The following PDE4D variants were observed in gnomAD, a reference collection of about 807,000 sequenced individuals.
PDE4D encodes the protein phosphodiesterase 4D.
A neutral mutation model predicts 87.4 loss-of-function variants in PDE4D; 24 were observed. The ratio of observed to expected loss-of-function variants is 0.27; its 90% CI spans 0.20 to 0.39. PDE4D has a LOEUF of 0.39. Ranked by LOEUF, PDE4D falls within the 10% of genes least tolerant of loss-of-function variation. The pLI is 1.00. For missense variants in PDE4D, 714 were observed against 1,041.0 expected, an observed-to-expected ratio of 0.69 and a Z score of 4.32; for synonymous variants, 384 against 383.2, an observed-to-expected ratio of 1.00 and a Z score of -0.02.
chr5:59,173,005 A>C (rs1227756729), intron 5 of PDE4D: 1 of 152,106 alleles, frequency 6.6e-6, no homozygotes, highest in Non-Finnish European at 1.5e-5. Context: ...GATAAAGAAT[A>C]CCCCCAAAAC....
chr5:59,780,153 C>T (rs1332463657), intron 1 of PDE4D, among the ~76,000 whole-genome samples: 1 of 152,188 alleles, frequency 6.6e-6, no homozygotes. Context: ...TACCTGAGGT[C>T]AGGAGTTCAA....
intron 1 of PDE4D, among the ~76,000 whole-genome samples, chr5:60,298,767 C>T: frequency 6.6e-6 from 1 of 152,194 alleles, no homozygotes; most frequent in Admixed American, 6.5e-5. Flanking sequence ...TCTGACCCTT[C>T]ATTTTCTATA....
At chr5:60,213,099 TC>T in intron 1 of PDE4D, among the ~76,000 whole-genome samples, 1 of 152,180 alleles carries the variant, frequency 6.6e-6, no homozygotes, top group Non-Finnish European at 1.5e-5. Flanking sequence ...AACATTAATT[TC>T]TCCCTTCTTC....
chr5:60,474,287 T>G (rs997369085), intron 1 of PDE4D, among the ~76,000 whole-genome samples: 1 of 151,606 alleles, frequency 6.6e-6, no homozygotes, highest in African/African-American at 2.4e-5. Context: ...CAGCACCTTC[T>G]ATGTGTCCTC....
chr5:59,684,526 G>A (rs1749543653), intron 1 of PDE4D, among the ~76,000 whole-genome samples: 1 of 152,158 alleles, frequency 6.6e-6, no homozygotes, highest in Admixed American at 6.5e-5. Context: ...GAAGGAAGTG[G>A]TAACTGATTT....
intron 1 of PDE4D, among the ~76,000 whole-genome samples, chr5:60,502,517 T>C (rs57261286): frequency 0.079 from 11,683 of 148,014 alleles, 1,280 homozygotes; most frequent in African/African-American, 0.25. Context: ...AACTTTAAAG[T>C]AGTTTTTTCC....
intron 3 of PDE4D, among the ~76,000 whole-genome samples, chr5:59,973,572 G>C (rs934025581): frequency 6.6e-6 from 1 of 152,080 alleles, no homozygotes; most frequent in Non-Finnish European, 1.5e-5. Context: ...TCTCATCTCA[G>C]TTTTTTTCAG....
At chr5:59,647,283 A>C (rs1458344914) in intron 1 of PDE4D, among the ~76,000 whole-genome samples, 1 of 152,170 alleles carries the variant, frequency 6.6e-6, no homozygotes. Context: ...AAATATAAAA[A>C]TGAAACATAT....
chr5:59,289,979 A>G (rs923755010), intron 1 of PDE4D, among the ~76,000 whole-genome samples: 5 of 151,984 alleles, frequency 3.3e-5, no homozygotes, highest in Non-Finnish European at 7.4e-5. Context: ...AAAAAAGTCT[A>G]CAATGATCTA....
At chr5:60,039,539 A>G (rs1387603520) in intron 2 of PDE4D, among the ~76,000 whole-genome samples, 1 of 152,114 alleles carries the variant, frequency 6.6e-6, no homozygotes, top group Admixed American at 6.6e-5. Context: ...TACACATGTA[A>G]CTAACCTGCA....
At chr5:59,789,887 C>T (rs1243685394) in intron 1 of PDE4D, among the ~76,000 whole-genome samples, 1 of 152,216 alleles carries the variant, frequency 6.6e-6, no homozygotes, top group Non-Finnish European at 1.5e-5. Context: ...AGCTATAGCA[C>T]TGAAGATAAT....
intron 1 of PDE4D, among the ~76,000 whole-genome samples, chr5:59,489,118 CTA>C (rs1805712324): frequency 6.6e-6 from 1 of 151,934 alleles, no homozygotes; most frequent in South Asian, 2.1e-4. Context: ...AACCCCATCT[CTA>C]CTAAAAATAC....
At chr5:59,285,730 C>T (rs895221944) in intron 1 of PDE4D, among the ~76,000 whole-genome samples, 1 of 152,100 alleles carries the variant, frequency 6.6e-6, no homozygotes, top group African/African-American at 2.4e-5. Flanking sequence ...TAATAGGAAC[C>T]TTTTGGAAGC....
At chr5:59,844,006 C>G (rs987181615) in intron 1 of PDE4D, among the ~76,000 whole-genome samples, 23 of 152,058 alleles carry the variant, frequency 1.5e-4, no homozygotes, top group Non-Finnish European at 2.1e-4. Flanking sequence ...CAGAGTAGGT[C>G]TGTTATACTC....
At chr5:59,731,392 T>A (rs1237144339) in intron 1 of PDE4D, among the ~76,000 whole-genome samples, 1 of 152,058 alleles carries the variant, frequency 6.6e-6, no homozygotes, top group Non-Finnish European at 1.5e-5. Flanking sequence ...ATGCTGAGGA[T>A]GGCTGGCACA....
At chr5:59,830,118 C>T (rs896303322) in intron 1 of PDE4D, among the ~76,000 whole-genome samples, 2 of 151,964 alleles carry the variant, frequency 1.3e-5, no homozygotes, top group Admixed American at 1.3e-4. Context: ...CTCACATTGG[C>T]AAGTGCATAA....
At chr5:59,371,157 A>G (rs1053743914) in intron 1 of PDE4D, among the ~76,000 whole-genome samples, 2 of 152,226 alleles carry the variant, frequency 1.3e-5, no homozygotes, top group African/African-American at 2.4e-5. Context: ...CTGGGAGGGT[A>G]TATTACTGTA....
chr5:58,977,649 TCAG>T (rs1744120549), intron 11 of PDE4D, among the ~76,000 whole-genome samples: 1 of 152,156 alleles, frequency 6.6e-6, no homozygotes, highest in South Asian at 2.1e-4. Context: ...TGCCATGAGC[TCAG>T]CAGAATATGA....
chr5:59,035,969 A>G (rs1230184633), intron 6 of PDE4D, among the ~76,000 whole-genome samples: 1 of 152,228 alleles, frequency 6.6e-6, no homozygotes, highest in Admixed American at 6.5e-5. Flanking sequence ...GCCTTGGCCA[A>G]GAATTCAATA....
Sources: allele counts gnomAD v4.1 joint callset (sites outside exome capture counted in the v4.1 genomes callset), GRCh38; gene constraint gnomAD v4.1.1; transcripts MANE v1.5; gene names NCBI Gene and HGNC (gene_info 2026-07-23, HGNC 2026-07-21).